Variants in OASL observed in about 807,000 individuals in gnomAD.
OASL encodes the protein 2'-5'-oligoadenylate synthetase like.
OASL carries 28 observed loss-of-function variants against 35.3 expected under a neutral mutation model. The ratio of observed to expected loss-of-function variants is 0.79; its 90% CI spans 0.59 to 1.09. OASL has a LOEUF of 1.09. OASL is among the 50% of genes least tolerant of loss of function. The pLI is 0.00. For synonymous variants in OASL, 252 were observed against 254.6 expected, an observed-to-expected ratio of 0.99 and a Z score of 0.10; for missense variants, 620 against 635.2, an observed-to-expected ratio of 0.98 and a Z score of 0.26.
At chr12:121,025,779 C>T (rs891907471) in intron 4 of OASL, among the ~76,000 whole-genome samples, 1 of 151,510 alleles carries the variant, frequency 6.6e-6, no homozygotes, top group African/African-American at 2.4e-5. Flanking sequence ...AAAACAAAAC[C>T]CAAAAACAAA....
chr12:121,023,276 C>CTTTT (rs200607939), intron 5 of OASL, among the ~76,000 whole-genome samples: 1 of 115,530 alleles, frequency 8.7e-6, no homozygotes. Flanking sequence ...AGGGTGGTGT[C>CTTTT]TTTTTTTTTT....
exon 2 of OASL, chr12:121,033,646 T>G (rs772594511): frequency 6.2e-7 from 1 of 1,614,176 alleles, no homozygotes; most frequent in Non-Finnish European, 8.5e-7. Context: ...TTTGTGATGC[T>G]TGGCTGCCTC....
At position 121,024,078 on chromosome 12, in the gene OASL, T is replaced by A; in HGVS notation, c.959A>T (p.Asp320Val). 6.2e-7 allele frequency: 1 copy of A among 1,614,124 alleles called. No individual in the cohort carries two copies. Among genetic ancestry groups the A allele is most frequent in the Non-Finnish European group, 8.5e-7 (1 of 1,180,000 alleles). ...CTGGGAGGCCCTCTGAGCAACGATG[T>A]CCCATCTGTACCCTTCTGCCACGTT... The change falls in exon 5 of 6, where the codon GAC (aspartate) becomes GTC (valine). Residue 320 changes from aspartate (D) to valine (V), a missense_variant. Coordinates refer to ENST00000257570, the Ensembl canonical transcript of OASL.
At chr12:121,027,963 C>T in intron 3 of OASL, 146 bp from the exon 4 acceptor site, 1 of 662,062 alleles carries the variant, frequency 1.5e-6, no homozygotes, top group Non-Finnish European at 2.6e-6. Context: ...CACATTCCAT[C>T]TCTAGACATA....
chr12:121,024,253 C>G, intron 4 of OASL, 116 bp from the exon 5 acceptor site: 8 of 1,141,858 alleles, frequency 7.0e-6, no homozygotes, highest in Non-Finnish European at 9.8e-6. Flanking sequence ...TATCCACATC[C>G]CGGGGATGTT....
chr12:121,033,081 C>T (rs1869805212), intron 2 of OASL, among the ~76,000 whole-genome samples: 1 of 151,978 alleles, frequency 6.6e-6, no homozygotes, highest in African/African-American at 2.4e-5. Flanking sequence ...CCCACCACCA[C>T]ACCCAGCTAA....
intron 1 of OASL, among the ~76,000 whole-genome samples, chr12:121,036,340 C>T (rs915589947): frequency 2.0e-5 from 3 of 152,106 alleles, no homozygotes; most frequent in East Asian, 3.8e-4. Flanking sequence ...GGGTGGGGAA[C>T]GGGAGGGTTT....
At chr12:121,026,905 G>A (rs144871095) in intron 4 of OASL, among the ~76,000 whole-genome samples, 111 of 151,998 alleles carry the variant, frequency 7.3e-4, no homozygotes, top group African/African-American at 2.3e-3. Context: ...CCATCTTTTG[G>A]GTGAGGGAGC....
rs1043767685 is a variant in OASL at position 121,039,219 on chromosome 12, C to A, written c.-248G>T. On this transcript the variant is annotated 5_prime_UTR_variant, in exon 1 of 6. It adds an upstream start codon to the 5' untranslated region. Transcript: ENST00000257570. ...CTGAGGCTGGAATATCTGGGGCCAC[C>A]TTAACAGGCTGGCCGTCTAGTCAAT... is the stretch of plus-strand genomic sequence containing the variant. 2 of 531,030 alleles carry A rather than the reference C, an allele frequency of 3.8e-6. No homozygotes were observed. Among genetic ancestry groups the A allele is most frequent in the Non-Finnish European group, 6.8e-6 (2 of 293,624 alleles). The allele number at this position is 531,030 out of a possible 1,614,324, so 32.9% of individuals were successfully genotyped here.
At chr12:121,036,050 CG>C (rs1483867489) in intron 1 of OASL, among the ~76,000 whole-genome samples, 2 of 151,960 alleles carry the variant, frequency 1.3e-5, no homozygotes, top group Non-Finnish European at 2.9e-5. Flanking sequence ...TTTGTAGAGT[CG>C]GGGGTCTCAC....
exon 5 of OASL, chr12:121,024,070 C>A: frequency 6.2e-7 from 1 of 1,614,182 alleles, no homozygotes; most frequent in Non-Finnish European, 8.5e-7. Flanking sequence ...GCCCTCTGAG[C>A]AACGATGTCC....
chr12:121,024,084 C>T, exon 5 of OASL: 1 of 1,614,182 alleles, frequency 6.2e-7, no homozygotes, highest in South Asian at 1.1e-5. Flanking sequence ...GATGTCCCAT[C>T]TGTACCCTTC....
chr12:121,024,249 C>T, intron 4 of OASL, 112 bp from the exon 5 acceptor site: 1 of 1,186,806 alleles, frequency 8.4e-7, no homozygotes, highest in African/African-American at 1.5e-5. Flanking sequence ...GTGATATCCA[C>T]ATCCCGGGGA....
At chr12:121,025,676 A>T (rs960686720) in intron 4 of OASL, among the ~76,000 whole-genome samples, 2 of 151,610 alleles carry the variant, frequency 1.3e-5, no homozygotes, top group African/African-American at 4.8e-5. Flanking sequence ...GTGGGAGGAT[A>T]GCTTGAACCC....
chr12:121,027,084 A>G (rs954637779), intron 4 of OASL, among the ~76,000 whole-genome samples: 1 of 152,176 alleles, frequency 6.6e-6, no homozygotes, highest in African/African-American at 2.4e-5. Flanking sequence ...ATGCTCCAAT[A>G]TAAGCATTTA....
intron 5 of OASL, among the ~76,000 whole-genome samples, chr12:121,022,093 T>TC (rs1318141088): frequency 1.4e-5 from 2 of 148,130 alleles, no homozygotes; most frequent in Non-Finnish European, 3.0e-5. Context: ...TTCTTTTTTT[T>TC]TTTTTTTTTT....
At chr12:121,027,785 C>T in exon 4 of OASL, 1 of 1,614,038 alleles carries the variant, frequency 6.2e-7, no homozygotes, top group Non-Finnish European at 8.5e-7. Context: ...AGAGAGGGGG[C>T]AGATTGGCTC....
At chr12:121,030,161 T>C (rs777701444) in intron 3 of OASL, among the ~76,000 whole-genome samples, 1 of 151,966 alleles carries the variant, frequency 6.6e-6, no homozygotes, top group Non-Finnish European at 1.5e-5. Context: ...AGGCGTGAGC[T>C]ACCACATTTG....
intron 3 of OASL, among the ~76,000 whole-genome samples, chr12:121,028,232 G>A (rs987669413): frequency 6.6e-6 from 1 of 152,158 alleles, no homozygotes; most frequent in African/African-American, 2.4e-5. Context: ...GTGAAGATTG[G>A]GGTTGCCTCT....
Sources: gnomAD v4.1 joint callset for allele counts (sites outside exome capture counted in the v4.1 genomes callset) on GRCh38, gnomAD v4.1.1 for gene constraint, MANE v1.5 for transcripts, NCBI Gene and HGNC (gene_info 2026-07-23, HGNC 2026-07-21) for gene names.